Variants in ARHGAP28 observed in about 807,000 individuals in gnomAD.
The protein encoded by ARHGAP28 is rho GTPase-activating protein 28.
A neutral mutation model predicts 90.7 loss-of-function variants in ARHGAP28; 56 were observed. The observed-to-expected ratio is 0.62, with a 90% CI of 0.50 to 0.77. ARHGAP28 has a LOEUF of 0.77. ARHGAP28 is among the 30% of genes least tolerant of loss of function. The pLI is 0.00. For missense variants in ARHGAP28, 869 were observed against 900.9 expected (o/e 0.96, Z 0.45); for synonymous variants, 308 against 323.3 (o/e 0.95, Z 0.51).
chr18:6,811,712 A>G (rs2056557986), intron 1 of ARHGAP28, among the ~76,000 whole-genome samples: 3 of 150,760 alleles, frequency 2.0e-5, no homozygotes, highest in African/African-American at 7.5e-5. Context: ...AGAGAAATAC[A>G]TAGTGCTGTT....
chr18:6,857,401 T>C (rs2143344522), intron 4 of ARHGAP28, among the ~76,000 whole-genome samples: 1 of 152,384 alleles, frequency 6.6e-6, no homozygotes, highest in South Asian at 2.1e-4. Flanking sequence ...TTTAGTTTTT[T>C]CCAGTGATTT....
intron 5 of ARHGAP28, among the ~76,000 whole-genome samples, chr18:6,864,394 G>C (rs2057022148): frequency 6.6e-6 from 1 of 152,026 alleles, no homozygotes; most frequent in African/African-American, 2.4e-5. Flanking sequence ...GTAATTTAAG[G>C]GTTAGATTAT....
intron 1 of ARHGAP28, among the ~76,000 whole-genome samples, chr18:6,796,978 A>G (rs760179455): frequency 1.6e-4 from 24 of 152,218 alleles, no homozygotes; most frequent in Admixed American, 3.3e-4. Flanking sequence ...GGGGATGGCA[A>G]TTGAAATTAG....
chr18:6,772,625 G>T (rs965047293), intron 1 of ARHGAP28, among the ~76,000 whole-genome samples: 2 of 152,208 alleles, frequency 1.3e-5, no homozygotes, highest in East Asian at 3.8e-4. Context: ...TAATGAGCAC[G>T]TTTATGGTAG....
intron 9 of ARHGAP28, chr18:6,874,757 G>A (rs930606538): frequency 6.6e-6 from 1 of 152,138 alleles, no homozygotes; most frequent in Non-Finnish European, 1.5e-5. Flanking sequence ...ATGGCCAGAG[G>A]ATACAAGCAA....
intron 1 of ARHGAP28, among the ~76,000 whole-genome samples, chr18:6,782,106 A>G (rs1198890682): frequency 6.6e-6 from 1 of 151,534 alleles, no homozygotes; most frequent in Non-Finnish European, 1.5e-5. Context: ...GGAGATTCCA[A>G]CTGGTTTTTT....
Position 6,908,952 on chromosome 18 carries a change from T to G in ARHGAP28, c.2031-8T>G. 2 of 1,495,292 alleles carry G rather than the reference T, an allele frequency of 1.3e-6. No individual in the cohort carries two copies. The highest frequency in any genetic ancestry group is 1.8e-6 in the Non-Finnish European group (2 of 1,083,554). 92.6% of individuals were successfully genotyped at this position (1,495,292 alleles called of 1,614,324 possible). A position where few individuals can be genotyped will look rare whatever the true frequency, so the allele number is the denominator to read the frequency against. On this transcript the variant is annotated splice_region_variant and splice_polypyrimidine_tract_variant and intron_variant, in intron 16 of 17. Transcript: ENST00000383472. ...ACTAAAATTATATTATTTTCTCATT[T>G]TTTTCAGTCATGGTTCATCAGAATG...
chr18:6,874,295 T>G (rs1242681238), intron 9 of ARHGAP28, among the ~76,000 whole-genome samples: 2 of 152,230 alleles, frequency 1.3e-5, no homozygotes, highest in African/African-American at 4.8e-5. Flanking sequence ...CATGTTCCAG[T>G]CATTTTCCGG....
chr18:6,787,441 T>A (rs747166604), intron 1 of ARHGAP28, among the ~76,000 whole-genome samples: 13 of 152,154 alleles, frequency 8.5e-5, no homozygotes, highest in African/African-American at 1.9e-4. Flanking sequence ...AGATACTTAT[T>A]TTTTTCCAGG....
intron 1 of ARHGAP28, among the ~76,000 whole-genome samples, chr18:6,744,873 T>G (rs2056009204): frequency 6.6e-6 from 1 of 152,142 alleles, no homozygotes; most frequent in African/African-American, 2.4e-5. Flanking sequence ...TTTTCAAAGT[T>G]AAAGAGAGTA....
In ARHGAP28 at chr18:6,732,917, G is replaced by T. The variant is rs376768658; in HGVS notation, c.122+2974G>T. ...CTGTAAAGAGGAGAGTCAAACTTTT[G>T]GTACTTGCATCACTATCAGAAGCGG... On this transcript the variant is annotated intron_variant, in intron 1 of 17. Coordinates refer to ENST00000383472, the MANE Select transcript of ARHGAP28 (RefSeq NM_001366230.1). Among the ~76,000 whole-genome samples, 9 of 152,006 alleles carry T rather than the reference G, an allele frequency of 5.9e-5. 2 individuals carry two copies. Among genetic ancestry groups the T allele is most frequent in the East Asian group, 3.9e-4 (2 of 5,156 alleles).
At chr18:6,800,485 TA>T (rs1250428349) in intron 1 of ARHGAP28, among the ~76,000 whole-genome samples, 2 of 152,030 alleles carry the variant, frequency 1.3e-5, no homozygotes, top group Non-Finnish European at 2.9e-5. Flanking sequence ...ATAGACTAGA[TA>T]AAGAAAATGT....
intron 6 of ARHGAP28, 118 bp from the exon 7 acceptor site, chr18:6,870,472 A>T (rs1393863988): frequency 9.4e-7 from 1 of 1,068,762 alleles, no homozygotes; most frequent in African/African-American, 1.6e-5. Flanking sequence ...CCTCGCATAT[A>T]AACACTGTAA....
chr18:6,733,361 A>T (rs781126068), intron 1 of ARHGAP28, among the ~76,000 whole-genome samples: 1 of 152,142 alleles, frequency 6.6e-6, no homozygotes, highest in Non-Finnish European at 1.5e-5. Flanking sequence ...TGGCATTTAA[A>T]ATACTGTTAT....
chr18:6,772,966 C>G (rs1486716058), intron 1 of ARHGAP28, among the ~76,000 whole-genome samples: 1 of 152,072 alleles, frequency 6.6e-6, no homozygotes, highest in Non-Finnish European at 1.5e-5. Context: ...GTCTCGAACT[C>G]CTGACCTCAG....
At chr18:6,791,817 TTC>T (rs1469327168) in intron 1 of ARHGAP28, 24 of 151,740 alleles carry the variant, frequency 1.6e-4, no homozygotes, top group Admixed American at 1.5e-3. Context: ...GCCAGTTTTT[TTC>T]TTTTTTTTTT....
intron 1 of ARHGAP28, among the ~76,000 whole-genome samples, chr18:6,808,273 A>G (rs1207640680): frequency 2.0e-5 from 3 of 151,890 alleles, no homozygotes. Context: ...TGTATTTTTT[A>G]TGTATAGACA....
chr18:6,758,562 G>A (rs570981387), intron 1 of ARHGAP28, among the ~76,000 whole-genome samples: 66 of 152,310 alleles, frequency 4.3e-4, no homozygotes, highest in African/African-American at 1.5e-3. Context: ...GACCTCGGGT[G>A]ATCCGCCCAC....
At chr18:6,839,516 C>T (rs2056785613) in intron 3 of ARHGAP28, among the ~76,000 whole-genome samples, 1 of 152,122 alleles carries the variant, frequency 6.6e-6, no homozygotes, top group African/African-American at 2.4e-5. Context: ...CCAGGATGGT[C>T]TCGATTTCCT....
Sources: allele counts gnomAD v4.1 joint callset (sites outside exome capture counted in the v4.1 genomes callset), GRCh38; gene constraint gnomAD v4.1.1; transcripts MANE v1.5; gene names NCBI Gene and HGNC (gene_info 2026-07-23, HGNC 2026-07-21).